FAM117A: variants seen among roughly 807,000 people sequenced by gnomAD.
The protein encoded by FAM117A is protein FAM117A.
Under a neutral mutation model 44.1 loss-of-function variants are expected in FAM117A, and 21 were observed. The ratio of observed to expected loss-of-function variants is 0.48; its 90% CI spans 0.34 to 0.69. FAM117A has a LOEUF of 0.69. Among genes scored for constraint, FAM117A ranks in the 30% least tolerant of loss-of-function variants. The pLI, the probability that FAM117A is intolerant of heterozygous loss-of-function variation, is 0.01. For synonymous variants in FAM117A, 220 were observed against 238.3 expected (o/e 0.92, Z 0.71); for missense variants, 498 against 589.9 (o/e 0.84, Z 1.61).
chr17:49,733,951 GC>G (rs1468608278), intron 1 of FAM117A, among the ~76,000 whole-genome samples: 2 of 151,618 alleles, frequency 1.3e-5, no homozygotes, highest in African/African-American at 4.9e-5. Flanking sequence ...GACTATCCTA[GC>G]TAACACGGTG....
intron 1 of FAM117A, among the ~76,000 whole-genome samples, chr17:49,786,869 A>T (rs946378665): frequency 6.6e-6 from 1 of 151,982 alleles, no homozygotes; most frequent in Non-Finnish European, 1.5e-5. Flanking sequence ...ACAGTAGTTC[A>T]GCTCAGTAGG....
At chr17:49,781,331 A>G (rs2073788968) in intron 1 of FAM117A, among the ~76,000 whole-genome samples, 1 of 152,234 alleles carries the variant, frequency 6.6e-6, no homozygotes, top group Non-Finnish European at 1.5e-5. Flanking sequence ...TTGGGGTGCC[A>G]TTTTCATTTT....
chr17:49,761,550 G>T (rs1425354606), intron 1 of FAM117A, among the ~76,000 whole-genome samples: 1 of 152,190 alleles, frequency 6.6e-6, no homozygotes, highest in Non-Finnish European at 1.5e-5. Context: ...GACACAGAAA[G>T]AACTTCCTCA....
intron 2 of FAM117A, among the ~76,000 whole-genome samples, chr17:49,731,809 G>A (rs548093559): frequency 2.6e-5 from 4 of 151,820 alleles, no homozygotes; most frequent in African/African-American, 9.7e-5. Flanking sequence ...TTTTTGAGAT[G>A]GAGTCTTGCT....
chr17:49,767,268 C>T, upstream of FAM117A, among the ~76,000 whole-genome samples: 1 of 152,210 alleles, frequency 6.6e-6, no homozygotes, highest in Non-Finnish European at 1.5e-5. Context: ...CTGTGCACTG[C>T]TAAGGGGAGA....
Position 49,722,491 on chromosome 17 carries a change from G to C in FAM117A, c.462+8C>G, listed in dbSNP as rs935525250. 6.2e-7 allele frequency: 1 copy of C among 1,612,680 alleles called. No homozygotes were observed. Among genetic ancestry groups the C allele is most frequent in the Admixed American group, 1.7e-5 (1 of 59,944 alleles). ...TACCCTAGGCAGGGAGTCAAAGTGG[G>C]TAGCTACCTCTTTTCGGTGGTCTGT... On this transcript the variant is annotated splice_region_variant and intron_variant, in intron 3 of 7. Transcript: ENST00000240364.
At chr17:49,740,638 G>A (rs1380545396) in intron 1 of FAM117A, among the ~76,000 whole-genome samples, 1 of 152,222 alleles carries the variant, frequency 6.6e-6, no homozygotes. Context: ...TGAGATTGAA[G>A]TGAGCAAGGC....
chr17:49,786,583 C>T (rs540787817), intron 1 of FAM117A, among the ~76,000 whole-genome samples: 25 of 152,050 alleles, frequency 1.6e-4, no homozygotes, highest in African/African-American at 6.0e-4. Flanking sequence ...TCAAGACCAA[C>T]CTGACCAACA....
At chr17:49,741,067 TAA>T (rs1487197690) in intron 1 of FAM117A, among the ~76,000 whole-genome samples, 1 of 151,934 alleles carries the variant, frequency 6.6e-6, no homozygotes, top group Non-Finnish European at 1.5e-5. Context: ...GCCTGTGAAA[TAA>T]AGACAGGGCT....
At chr17:49,733,599 G>C (rs1252683845) in intron 1 of FAM117A, among the ~76,000 whole-genome samples, 14 of 152,060 alleles carry the variant, frequency 9.2e-5, no homozygotes, top group Admixed American at 9.2e-4. Flanking sequence ...GTTGAACCTG[G>C]GAGGTGGAGG....
rs1401101802 is a variant in FAM117A at position 49,711,189 on chromosome 17, G to T, written c.*66C>A. On this transcript the variant is annotated 3_prime_UTR_variant, in exon 8 of 8. Transcript: ENST00000240364. Reference sequence around the variant, plus strand: ...GGCCCCTCCATACCCCATCTCAGGGGACCTGGGGAGGGACCTGCCACCAAG... The same window carrying T: ...GGCCCCTCCATACCCCATCTCAGGGTACCTGGGGAGGGACCTGCCACCAAG... 11 of 1,470,216 alleles carry T rather than the reference G, an allele frequency of 7.5e-6. No homozygotes were observed. The highest frequency in any genetic ancestry group is 1.0e-5 in the Non-Finnish European group (11 of 1,092,782). 91.1% of individuals were successfully genotyped at this position (1,470,216 alleles called of 1,614,324 possible). A position where few individuals can be genotyped will look rare whatever the true frequency, so the allele number is the denominator to read the frequency against.
chr17:49,741,657 T>A (rs1273744250), intron 1 of FAM117A, among the ~76,000 whole-genome samples: 1 of 152,232 alleles, frequency 6.6e-6, no homozygotes, highest in African/African-American at 2.4e-5. Flanking sequence ...AGGGAAATGT[T>A]AATCTGGAGT....
chr17:49,711,290 C>T lies in FAM117A; in HGVS notation c.1327G>A (p.Glu443Lys). Residue 443 changes from glutamate (E) to lysine (K), a missense_variant, in exon 8 of 8, where the codon GAG (glutamate) becomes AAG (lysine). By Grantham distance (56) the Glu-to-Lys change is moderately conservative (BLOSUM62 1). Coordinates refer to ENST00000240364, the MANE Select transcript of FAM117A (RefSeq NM_030802.4). Reference protein sequence around the residue: ...EPWQRTPPSEEPVLFQSSLMV With the variant: ...EPWQRTPPSEKPVLFQSSLMV The stretch of plus-strand genomic sequence containing the variant: ...AGGGAGCTCTGGAAAAGCACAGGCT[C>T]TTCTGATGGTGGGGTGCGCTGCCAT... 1 of 1,609,640 alleles carries T rather than the reference C, an allele frequency of 6.2e-7. No individual in the cohort carries two copies. Among genetic ancestry groups the T allele is most frequent in the Non-Finnish European group, 8.5e-7 (1 of 1,177,292 alleles).
At chr17:49,732,926 G>C in intron 1 of FAM117A, 1 of 572,892 alleles carries the variant, frequency 1.7e-6, no homozygotes, top group Non-Finnish European at 3.1e-6. Context: ...TTTATCATGG[G>C]AAACAATTTA....
In FAM117A at chr17:49,717,620, G is replaced by C; in HGVS notation, c.803C>G (p.Ala268Gly). The C allele has an allele frequency of 6.2e-7, 1 of 1,614,148 alleles. No individual in the cohort carries two copies. Among genetic ancestry groups the C allele is most frequent in the East Asian group, 2.2e-5 (1 of 44,880 alleles). Residue 268 changes from alanine (A) to glycine (G), a missense_variant, in exon 6 of 8, where the codon GCC becomes GGC. Coordinates refer to ENST00000240364, the MANE Select transcript of FAM117A (RefSeq NM_030802.4). ...PLLLLEPGNLASSPSMSLASP... is the reference protein window; with the variant it reads ...PLLLLEPGNLGSSPSMSLASP... ...TGCCAAGGACATGGAAGGAGAGCTG[G>C]CAAGGTTGCCAGGCTCCAGGAGGAG...
chr17:49,745,028 A>C (rs1259137643), intron 1 of FAM117A, among the ~76,000 whole-genome samples: 1 of 151,192 alleles, frequency 6.6e-6, no homozygotes, highest in Admixed American at 6.6e-5. Flanking sequence ...AAAAAAAAAA[A>C]AAAAACACAC....
intron 5 of FAM117A, among the ~76,000 whole-genome samples, chr17:49,718,587 C>T (rs1414470333): frequency 1.3e-5 from 2 of 151,692 alleles, no homozygotes; most frequent in Non-Finnish European, 2.9e-5. Flanking sequence ...AGGAGAATGG[C>T]GTGAACCCAG....
intron 1 of FAM117A, among the ~76,000 whole-genome samples, chr17:49,763,262 G>C (rs1032560496): frequency 6.6e-6 from 1 of 152,028 alleles, no homozygotes; most frequent in Non-Finnish European, 1.5e-5. Context: ...AGAATGCAGG[G>C]AGCTGGGCAT....
chr17:49,745,574 A>C (rs759592561), intron 1 of FAM117A, among the ~76,000 whole-genome samples: 1 of 152,224 alleles, frequency 6.6e-6, no homozygotes, highest in Non-Finnish European at 1.5e-5. Flanking sequence ...TTTATGAAGT[A>C]CATAGCTTTA....
Sources: allele counts gnomAD v4.1 joint callset (sites outside exome capture counted in the v4.1 genomes callset), GRCh38; gene constraint gnomAD v4.1.1; transcripts MANE v1.5; gene names NCBI Gene and HGNC (gene_info 2026-07-23, HGNC 2026-07-21).